WDPCP: variants seen among roughly 807,000 people sequenced by gnomAD.
WDPCP encodes WD repeat-containing and planar cell polarity effector protein fritz homolog.
Under a neutral mutation model 93.1 loss-of-function variants are expected in WDPCP, and 71 were observed. That is an observed-to-expected ratio of 0.76 (90% CI 0.63 to 0.93). The LOEUF is 0.93. WDPCP is among the 40% of genes least tolerant of loss of function. The pLI is 0.00. For synonymous variants in WDPCP, 315 were observed against 315.0 expected, an observed-to-expected ratio of 1.00 and a Z score of 0.00; for missense variants, 844 against 887.4, an observed-to-expected ratio of 0.95 and a Z score of 0.62.
intron 1 of WDPCP, among the ~76,000 whole-genome samples, chr2:63,554,338 A>T (rs993098060): frequency 6.6e-6 from 1 of 152,194 alleles, no homozygotes; most frequent in African/African-American, 2.4e-5. Flanking sequence ...CACAATGTCA[A>T]CTTGTCCCAT....
chr2:63,340,300 T>C (rs965280241), intron 12 of WDPCP, among the ~76,000 whole-genome samples: 11 of 152,180 alleles, frequency 7.2e-5, no homozygotes, highest in African/African-American at 2.4e-4. Flanking sequence ...CCCAGCAGTA[T>C]GTGAAGGCTG....
chr2:63,218,883 G>A (rs1039445349), intron 14 of WDPCP, among the ~76,000 whole-genome samples: 1 of 152,098 alleles, frequency 6.6e-6, no homozygotes, highest in East Asian at 1.9e-4. Context: ...AATCTCCAAT[G>A]AAGTTTTTGT....
intron 2 of WDPCP, among the ~76,000 whole-genome samples, chr2:63,709,771 G>A (rs541277072): frequency 6.6e-6 from 1 of 152,078 alleles, no homozygotes; most frequent in Non-Finnish European, 1.5e-5. Flanking sequence ...TGCAGTTTTA[G>A]TTGCTGAAAC....
chr2:63,567,208 C>T (rs7584404), intron 1 of WDPCP, among the ~76,000 whole-genome samples: 122,173 of 152,048 alleles, frequency 0.8, 49,747 homozygotes, highest in East Asian at 0.98. Context: ...ACCTCTAGCC[C>T]CTCTCCCCTC....
At chr2:63,746,412 G>T (rs78149213) in intron 2 of WDPCP, among the ~76,000 whole-genome samples, 1 of 152,136 alleles carries the variant, frequency 6.6e-6, no homozygotes, top group African/African-American at 2.4e-5. Flanking sequence ...GGCACCTTAA[G>T]AACAGGATAA....
In WDPCP at chr2:63,313,106, A is replaced by G. The variant is rs1367183292; in HGVS notation, c.1812+142T>C. 6.2e-5 allele frequency: 47 copies of G among 756,424 alleles called. No homozygotes were observed. In the East Asian group the frequency reaches 1.2e-3, roughly 20 times the overall value. The allele number at this position is 756,424 out of a possible 1,614,324, so 46.9% of individuals were successfully genotyped here. A position where few individuals can be genotyped will look rare whatever the true frequency, so the allele number is the denominator to read the frequency against. ...GGTTATTGACCAGTTTCACGAAAGC[A>G]AACCTGCAAGTCAAGATGGAATAAT... On this transcript the variant is annotated intron_variant, in intron 13 of 17. Transcript: ENST00000272321.
chr2:63,304,388 C>A (rs994902051), intron 13 of WDPCP, among the ~76,000 whole-genome samples: 2 of 152,144 alleles, frequency 1.3e-5, no homozygotes, highest in East Asian at 3.9e-4. Flanking sequence ...GTACCTGATT[C>A]ATCAAATTGA....
At chr2:63,716,100 T>C (rs1352697316) in intron 2 of WDPCP, among the ~76,000 whole-genome samples, 1 of 152,166 alleles carries the variant, frequency 6.6e-6, no homozygotes, top group Non-Finnish European at 1.5e-5. Flanking sequence ...CAGGAGACAT[T>C]TTTAAGACTC....
chr2:63,589,206 C>T, upstream of WDPCP: 4 of 1,585,094 alleles, frequency 2.5e-6, no homozygotes, highest in Admixed American at 1.8e-5. Context: ...CGCAGTGACC[C>T]AGTAATGGGA....
At chr2:63,473,815 T>C (rs764695278) in intron 6 of WDPCP, among the ~76,000 whole-genome samples, 31 of 152,184 alleles carry the variant, frequency 2.0e-4, no homozygotes, top group Non-Finnish European at 1.9e-4. Flanking sequence ...GACCTATGTG[T>C]GTTCCATATC....
At chr2:63,612,020 C>T (rs1372783365) in intron 3 of WDPCP, among the ~76,000 whole-genome samples, 4 of 152,226 alleles carry the variant, frequency 2.6e-5, no homozygotes, top group African/African-American at 9.6e-5. Context: ...TCATAAAAGA[C>T]TTCTGCAATA....
chr2:63,140,650 G>T (rs1326364623), intron 17 of WDPCP, among the ~76,000 whole-genome samples: 4 of 151,446 alleles, frequency 2.6e-5, no homozygotes, highest in Non-Finnish European at 5.9e-5. Flanking sequence ...TACTGATTTT[G>T]TATATTAATC....
intron 1 of WDPCP, among the ~76,000 whole-genome samples, chr2:63,577,867 TTTAAACAATTA>T: frequency 6.6e-6 from 1 of 152,208 alleles, no homozygotes; most frequent in African/African-American, 2.4e-5. Context: ...AATACTGCAC[TTTAAACAATTA>T]GTTATTAATA....
At chr2:63,477,944 G>A (rs981183845) in intron 6 of WDPCP, 9 of 152,108 alleles carry the variant, frequency 5.9e-5, no homozygotes, top group African/African-American at 2.2e-4. Flanking sequence ...TCCTTGGGAA[G>A]GGCTCCCTGG....
At chr2:63,802,852 G>C (rs924194110) in intron 2 of WDPCP, among the ~76,000 whole-genome samples, 2 of 152,176 alleles carry the variant, frequency 1.3e-5, no homozygotes, top group Non-Finnish European at 2.9e-5. Context: ...CTGATTATTA[G>C]AAGTAGGCTT....
At chr2:63,211,213 G>GGC (rs1676766492) in intron 14 of WDPCP, among the ~76,000 whole-genome samples, 2 of 152,162 alleles carry the variant, frequency 1.3e-5, no homozygotes, top group African/African-American at 4.8e-5. Context: ...GCTGAGTAGG[G>GGC]GCTGACTGAC....
chr2:63,346,225 T>A (rs1346428257), intron 12 of WDPCP, among the ~76,000 whole-genome samples: 1 of 152,126 alleles, frequency 6.6e-6, no homozygotes, highest in Non-Finnish European at 1.5e-5. Context: ...ATACCCCAAT[T>A]GTTATGGCAC....
intron 2 of WDPCP, among the ~76,000 whole-genome samples, chr2:63,719,323 G>A (rs1188810430): frequency 6.6e-6 from 1 of 152,190 alleles, no homozygotes; most frequent in Non-Finnish European, 1.5e-5. Flanking sequence ...GGGAGGGAAT[G>A]TGGGACAGGG....
chr2:63,424,318 G>A (rs1696093652), intron 9 of WDPCP, among the ~76,000 whole-genome samples: 1 of 152,032 alleles, frequency 6.6e-6, no homozygotes, highest in Admixed American at 6.6e-5. Context: ...GCAAAATGTG[G>A]TCATAGGTTC....
Sources: allele counts gnomAD v4.1 joint callset (sites outside exome capture counted in the v4.1 genomes callset), GRCh38; gene constraint gnomAD v4.1.1; transcripts MANE v1.5; gene names NCBI Gene and HGNC (gene_info 2026-07-23, HGNC 2026-07-21).